The following DMD variants were observed in gnomAD, a reference collection of about 807,000 sequenced individuals.
The protein encoded by DMD is dystrophin.
A neutral mutation model predicts 330.1 loss-of-function variants in DMD; 63 were observed. The ratio of observed to expected loss-of-function variants is 0.19; its 90% CI spans 0.16 to 0.24. The LOEUF is 0.24. Ranked by LOEUF, DMD falls within the 10% of genes least tolerant of loss-of-function variation. DMD has a pLI of 1.00. For synonymous variants in DMD, 1,223 were observed against 959.8 expected, an observed-to-expected ratio of 1.27 and a Z score of -5.07; for missense variants, 3,344 against 2,684.1, an observed-to-expected ratio of 1.25 and a Z score of -5.43.
intron 2 of DMD, among the ~76,000 whole-genome samples, chrX:33,006,813 T>C (rs1032993210): frequency 9.0e-6 from 1 of 111,548 alleles, no homozygotes; most frequent in African/African-American, 3.3e-5. Flanking sequence ...TGATTTTCCA[T>C]GGGAAATTTA....
intron 28 of DMD, 40 bp downstream of exon 28, chrX:32,441,140 G>T: frequency 7.6e-6 from 9 of 1,184,961 alleles, no homozygotes; most frequent in Non-Finnish European, 1.0e-5. Flanking sequence ...TTTTAATACT[G>T]CATATAAATT....
chrX:32,092,724 CTTTTTTTTTTT>C (rs11315047), intron 44 of DMD, among the ~76,000 whole-genome samples: 11 of 39,780 alleles, frequency 2.8e-4, no homozygotes, highest in African/African-American at 6.6e-4. Flanking sequence ...GTTATTTTCA[CTTTTTTTTTTT>C]TTTTTTTTTT....
chrX:32,342,073 T>TAC, intron 41 of DMD, 27 bp downstream of exon 41: 3 of 1,191,853 alleles, frequency 2.5e-6, no homozygotes, highest in Non-Finnish European at 3.4e-6. Flanking sequence ...TGCAAACACA[T>TAC]ACGTGGGTTT....
chrX:32,785,499 TGAA>T (rs768424786), intron 7 of DMD, among the ~76,000 whole-genome samples: 4 of 111,629 alleles, frequency 3.6e-5, no homozygotes, highest in African/African-American at 6.5e-5. Context: ...AAGATTAACG[TGAA>T]GAAGGCTAGG....
chrX:33,337,033 A>C (rs2054264891), intron 1 of DMD, among the ~76,000 whole-genome samples: 1 of 111,928 alleles, frequency 8.9e-6, no homozygotes, highest in South Asian at 3.7e-4. Flanking sequence ...AATACAGAGC[A>C]CTTTCTAACC....
At chrX:31,705,276 A>G (rs1324092922) in intron 52 of DMD, among the ~76,000 whole-genome samples, 1 of 113,118 alleles carries the variant, frequency 8.8e-6, no homozygotes, top group Non-Finnish European at 1.9e-5. Flanking sequence ...AGAAAAGATT[A>G]GTAAGATTTA....
At chrX:32,473,706 C>T (rs1277971849) in intron 21 of DMD, among the ~76,000 whole-genome samples, 4 of 111,137 alleles carry the variant, frequency 3.6e-5, no homozygotes, top group Non-Finnish European at 7.6e-5. Context: ...TATTTGGGAA[C>T]TCATAAAAAT....
chrX:31,613,654 A>C (rs1363329102), intron 55 of DMD, among the ~76,000 whole-genome samples: 1 of 111,682 alleles, frequency 9.0e-6, no homozygotes, highest in African/African-American at 3.3e-5. Context: ...GGGATGCAGA[A>C]GGTGCCCCTT....
chrX:32,756,086 T>G (rs1223192646), intron 7 of DMD: 2 of 112,388 alleles, frequency 1.8e-5, no homozygotes, highest in Non-Finnish European at 3.8e-5. Context: ...TTAAGCAGCA[T>G]TAAGCGCATA....
At position 31,259,796 on chromosome X, in the gene DMD, A is replaced by G. The variant is rs1447539343; in HGVS notation, c.9286+1159T>C. Among the ~76,000 whole-genome samples, 5 of 111,168 alleles carry G rather than the reference A, an allele frequency of 4.5e-5. No individual in the cohort carries two copies. The East Asian group carries it at 1.4e-3, about 31-fold the overall frequency. On this transcript the variant is annotated intron_variant, in intron 63 of 78. Coordinates refer to ENST00000357033, the MANE Select transcript of DMD (RefSeq NM_004006.3). ...GCTGCAATTCATTTTGTGAGAATCT[A>G]TGACACAAAAGCAGTAATAGCTACG... is the stretch of plus-strand genomic sequence containing the variant.
chrX:31,230,651 GA>G (rs746346120), intron 63 of DMD, among the ~76,000 whole-genome samples: 51 of 75,611 alleles, frequency 6.7e-4, no homozygotes, highest in South Asian at 1.8e-3. Flanking sequence ...TCCATCTCAA[GA>G]AAAAAAAAAA....
chrX:31,658,934 T>C (rs939768275), intron 53 of DMD, among the ~76,000 whole-genome samples: 2 of 112,081 alleles, frequency 1.8e-5, no homozygotes, highest in East Asian at 2.8e-4. Context: ...ATTGTTAAGA[T>C]AGTTATATCA....
intron 51 of DMD, among the ~76,000 whole-genome samples, chrX:31,752,340 C>T (rs371091556): frequency 3.6e-5 from 4 of 110,933 alleles, no homozygotes; most frequent in Admixed American, 1.9e-4. Flanking sequence ...CATACTTCTT[C>T]GGGTGGGTTC....
intron 29 of DMD, among the ~76,000 whole-genome samples, chrX:32,423,768 A>G (rs2098200449): frequency 9.0e-6 from 1 of 110,756 alleles, no homozygotes; most frequent in Non-Finnish European, 1.9e-5. Flanking sequence ...CCTTTTGTGA[A>G]GGCTATGTAC....
intron 50 of DMD, among the ~76,000 whole-genome samples, chrX:31,785,693 A>G (rs1038559530): frequency 9.1e-6 from 1 of 110,175 alleles, no homozygotes; most frequent in Non-Finnish European, 1.9e-5. Flanking sequence ...GAGTGAGAAC[A>G]TGCGGTGTTT....
At chrX:31,283,686 G>A (rs1270755790) in intron 62 of DMD, among the ~76,000 whole-genome samples, 4 of 111,491 alleles carry the variant, frequency 3.6e-5, no homozygotes, top group East Asian at 5.6e-4. Context: ...AACAGCTCAC[G>A]TATACAGAGA....
intron 60 of DMD, among the ~76,000 whole-genome samples, chrX:31,414,197 TAG>T (rs1690556897): frequency 9.1e-6 from 1 of 110,081 alleles, no homozygotes; most frequent in Admixed American, 9.7e-5. Context: ...TTGTATTCAG[TAG>T]AGACAGGGTT....
intron 44 of DMD, among the ~76,000 whole-genome samples, chrX:32,185,397 G>C (rs759195703): frequency 6.3e-5 from 7 of 110,856 alleles, no homozygotes; most frequent in South Asian, 7.6e-4. Flanking sequence ...CTGCACCTTC[G>C]ACTCACACAA....
intron 41 of DMD, among the ~76,000 whole-genome samples, chrX:32,339,979 T>C (rs1425297065): frequency 8.9e-6 from 1 of 112,294 alleles, no homozygotes; most frequent in East Asian, 2.8e-4. Context: ...AAGCTGTTAC[T>C]GTGACTATCA....
Sources: allele counts gnomAD v4.1 joint callset (sites outside exome capture counted in the v4.1 genomes callset), GRCh38; gene constraint gnomAD v4.1.1; transcripts MANE v1.5; gene names NCBI Gene and HGNC (gene_info 2026-07-23, HGNC 2026-07-21).